Variants in HERC2 observed in about 807,000 individuals in gnomAD.
HERC2 encodes the protein E3 ubiquitin-protein ligase HERC2.
A neutral mutation model predicts 537.7 loss-of-function variants in HERC2; 102 were observed. The observed-to-expected ratio is 0.19, with a 90% CI of 0.16 to 0.22. The LOEUF is 0.22. Among genes scored for constraint, HERC2 ranks in the 10% least tolerant of loss-of-function variants. The pLI is 1.00. For missense variants in HERC2, 4,236 were observed against 6,198.2 expected (o/e 0.68, Z 10.63); for synonymous variants, 2,224 against 2,466.2 (o/e 0.90, Z 2.91).
Position 28,281,799 on chromosome 15 carries a change from G to A in HERC2, c.323-1512C>T, listed in dbSNP as rs142629847. Among the ~76,000 whole-genome samples, 381 of 152,250 alleles carry A rather than the reference G, an allele frequency of 2.5e-3. 1 individual carries two copies. Among genetic ancestry groups the A allele is most frequent in the African/African-American group, 8.7e-3 (361 of 41,556 alleles). On this transcript the variant is annotated intron_variant, in intron 4 of 92. Coordinates refer to ENST00000261609, the MANE Select transcript of HERC2 (RefSeq NM_004667.6). ...CTGCCCTTCTCAGGGCATCCCCACC[G>A]AGCCACCCTTCAGGCAAGGAGCTGG...
At chr15:28,116,963 G>A (rs1595972282) in intron 87 of HERC2, 50 bp downstream of exon 87, 1 of 1,613,148 alleles carries the variant, frequency 6.2e-7, no homozygotes, top group Non-Finnish European at 8.5e-7. Flanking sequence ...TGTGGGCTCA[G>A]GCGACCACTG....
chr15:28,243,902 C>T (rs967205012), intron 23 of HERC2, among the ~76,000 whole-genome samples: 5 of 152,154 alleles, frequency 3.3e-5, no homozygotes, highest in African/African-American at 9.7e-5. Context: ...AGAATGTTAA[C>T]GTATTGGCAG....
chr15:28,310,343 G>T (rs1423631113), intron 2 of HERC2, among the ~76,000 whole-genome samples: 3 of 152,098 alleles, frequency 2.0e-5, no homozygotes, highest in Non-Finnish European at 4.4e-5. Context: ...TACTTGGGAG[G>T]CTGAGGTGGG....
intron 86 of HERC2, chr15:28,118,036 C>G (rs374602622): frequency 5.4e-6 from 1 of 184,416 alleles, no homozygotes; most frequent in Non-Finnish European, 1.2e-5. Context: ...GTTTAAACAG[C>G]TTACAGAGCA....
intron 65 of HERC2, among the ~76,000 whole-genome samples, chr15:28,174,115 T>G (rs78897550): frequency 0.058 from 8,725 of 149,194 alleles, 399 homozygotes; most frequent in African/African-American, 0.16. Flanking sequence ...AGTGCCTGTA[T>G]CTCTCAGGCA....
chr15:28,304,286 G>T (rs1211708834), intron 2 of HERC2, among the ~76,000 whole-genome samples: 1 of 150,696 alleles, frequency 6.6e-6, no homozygotes, highest in Admixed American at 6.6e-5. Flanking sequence ...GAGTTTTCAG[G>T]TTTTTCCAAA....
intron 4 of HERC2, among the ~76,000 whole-genome samples, chr15:28,282,606 A>G (rs1357737830): frequency 6.6e-6 from 1 of 152,234 alleles, no homozygotes; most frequent in African/African-American, 2.4e-5. Context: ...CATAGAAGAT[A>G]GAAGTTATCC....
intron 86 of HERC2, chr15:28,117,866 C>T (rs1888451788): frequency 3.2e-6 from 1 of 310,380 alleles, no homozygotes; most frequent in Non-Finnish European, 6.3e-6. Context: ...GACCTCGGCA[C>T]ATCGGAGGGC....
rs535121057 is a variant in HERC2 at position 28,171,841 on chromosome 15, G to C, written c.10058-2186C>G. 2.0e-5 allele frequency among the ~76,000 whole-genome samples: 3 copies of C among 152,236 alleles called. No individual in the cohort carries two copies. In the East Asian group the frequency reaches 5.8e-4, roughly 29 times the overall value. On this transcript the variant is annotated intron_variant, in intron 65 of 92. Coordinates refer to ENST00000261609, the MANE Select transcript of HERC2 (RefSeq NM_004667.6). The stretch of plus-strand genomic sequence containing the variant: ...TGTAATCCCAGCACTTTGGGAGGCC[G>C]AGGTGGGCGGATCACGAGGTCAGGA...
chr15:28,306,982 A>G (rs892074148), intron 2 of HERC2, among the ~76,000 whole-genome samples: 6 of 152,178 alleles, frequency 3.9e-5, no homozygotes, highest in Admixed American at 1.3e-4. Flanking sequence ...TTACAGGCAC[A>G]CAAAACCACA....
At chr15:28,264,687 T>C (rs2075513640) in intron 14 of HERC2, among the ~76,000 whole-genome samples, 1 of 152,160 alleles carries the variant, frequency 6.6e-6, no homozygotes, top group Admixed American at 6.5e-5. Flanking sequence ...CAACTACACA[T>C]AAAGAATGCA....
chr15:28,197,863 G>C (rs1384810044), intron 50 of HERC2, among the ~76,000 whole-genome samples: 1 of 152,216 alleles, frequency 6.6e-6, no homozygotes, highest in Admixed American at 6.5e-5. Context: ...CTCTGTGACT[G>C]ATGAATCAAG....
In HERC2 at chr15:28,178,902, C is replaced by A; in HGVS notation, c.9148G>T (p.Val3050Leu). ...TGGCTTGTACCTGAGTGAACAGCCA[C>A]CTTCTTGACCACGTAGCTGCTGAGA... is the stretch of plus-strand genomic sequence containing the variant. ...TALSSYVVKK[V>L]AVHSGGRHAT... Residue 3050 changes from valine to leucine, a missense_variant, in exon 59 of 93, where the codon GTG becomes TTG. Transcript: ENST00000261609. 6.2e-7 allele frequency: 1 copy of A among 1,613,872 alleles called. No homozygotes were observed. Among genetic ancestry groups the A allele is most frequent in the Non-Finnish European group, 8.5e-7 (1 of 1,179,998 alleles).
intron 16 of HERC2, among the ~76,000 whole-genome samples, chr15:28,258,512 C>T (rs1448685881): frequency 2.0e-5 from 3 of 151,952 alleles, no homozygotes; most frequent in African/African-American, 7.3e-5. Context: ...GTCAAAAAAA[C>T]AATTCTCAAG....
intron 20 of HERC2, among the ~76,000 whole-genome samples, chr15:28,249,684 G>A (rs1904082293): frequency 6.6e-6 from 1 of 152,048 alleles, no homozygotes; most frequent in African/African-American, 2.4e-5. Flanking sequence ...GTCTAGCTTT[G>A]TTGCCAGGCT....
In HERC2 at chr15:28,125,046, G is replaced by C; in HGVS notation, c.12950C>G (p.Ser4317Trp). 1 of 1,606,300 alleles carries C rather than the reference G, an allele frequency of 6.2e-7. No homozygotes were observed. Among genetic ancestry groups the C allele is most frequent in the Non-Finnish European group, 8.5e-7 (1 of 1,173,384 alleles). ...GCCAGCACTGGCGGGCTTGCTGGTC[G>C]ACCAGGCGAGGGTATGTGCTGAGCC... ...ACGSAHTLAW[S>W]TSKPASAGKL... The change falls in exon 84 of 93, where the codon TCG (serine) becomes TGG (tryptophan). Residue 4317 changes from serine to tryptophan, a missense_variant. By Grantham distance (177) the Ser-to-Trp change is radical. Coordinates refer to ENST00000261609, the MANE Select transcript of HERC2 (RefSeq NM_004667.6).
chr15:28,320,558 T>C (rs1169526785), intron 2 of HERC2: 2 of 152,062 alleles, frequency 1.3e-5, no homozygotes, highest in African/African-American at 4.8e-5. Context: ...ACACGACTTT[T>C]GATGAACAGT....
In HERC2 at chr15:28,228,441, T is replaced by C. The variant is rs770557131; in HGVS notation, c.5273-32A>G. 1.3e-5 allele frequency: 20 copies of C among 1,596,302 alleles called. No homozygotes were observed. The Admixed American group carries it at 3.2e-4, about 25-fold the overall frequency. ...AGCATTGGCACCTACTGACATTTCTTGTGATGGATACAAGAATAAACGTAA... is the reference window on the plus strand; with the variant it reads ...AGCATTGGCACCTACTGACATTTCTCGTGATGGATACAAGAATAAACGTAA... On this transcript the variant is annotated intron_variant, in intron 34 of 92. Coordinates refer to ENST00000261609, the MANE Select transcript of HERC2 (RefSeq NM_004667.6).
intron 5 of HERC2, among the ~76,000 whole-genome samples, chr15:28,277,162 T>C (rs1246740068): frequency 3.9e-5 from 6 of 152,086 alleles, no homozygotes; most frequent in East Asian, 1.9e-4. Flanking sequence ...AGATGAGTGG[T>C]TGCCAGCAGT....
Sources: allele counts gnomAD v4.1 joint callset (sites outside exome capture counted in the v4.1 genomes callset), GRCh38; gene constraint gnomAD v4.1.1; transcripts MANE v1.5; gene names NCBI Gene and HGNC (gene_info 2026-07-23, HGNC 2026-07-21).